The following ILKAP variants were observed in gnomAD, a reference collection of about 807,000 sequenced individuals.
ILKAP encodes the protein ILK associated serine/threonine phosphatase, also known as integrin-linked kinase-associated serine/threonine phosphatase 2C.
A neutral mutation model predicts 49.1 loss-of-function variants in ILKAP; 11 were observed. That is an observed-to-expected ratio of 0.22 (90% confidence interval 0.14 to 0.37). ILKAP has a LOEUF of 0.37. ILKAP is among the 10% of genes least tolerant of loss of function. ILKAP has a pLI of 1.00. For synonymous variants in ILKAP, 186 were observed against 192.8 expected (o/e 0.96, Z 0.29); for missense variants, 363 against 510.8 (o/e 0.71, Z 2.79).
intron 10 of ILKAP, among the ~76,000 whole-genome samples, chr2:238,172,841 T>TTA (rs1693286412): frequency 6.6e-6 from 1 of 152,158 alleles, no homozygotes; most frequent in Non-Finnish European, 1.5e-5. Flanking sequence ...TGACCCCTCC[T>TTA]GCTACTGCCT....
chr2:238,200,445 A>G (rs1694521844), intron 1 of ILKAP, among the ~76,000 whole-genome samples: 1 of 152,252 alleles, frequency 6.6e-6, no homozygotes, highest in Non-Finnish European at 1.5e-5. Flanking sequence ...ATGTGATATA[A>G]GCAGTGTAGT....
chr2:238,187,503 G>C (rs1381884301), intron 5 of ILKAP, among the ~76,000 whole-genome samples: 4 of 152,082 alleles, frequency 2.6e-5, no homozygotes, highest in African/African-American at 9.7e-5. Context: ...CCTACCTTCT[G>C]GTTTTTTTCC....
At chr2:238,175,979 G>A (rs887674817) in intron 9 of ILKAP, among the ~76,000 whole-genome samples, 9 of 151,838 alleles carry the variant, frequency 5.9e-5, no homozygotes, top group South Asian at 2.1e-4. Flanking sequence ...GAAAGTCTGC[G>A]CTACTCTAGA....
At chr2:238,174,404 T>C (rs1047699409) in intron 9 of ILKAP, among the ~76,000 whole-genome samples, 3 of 152,208 alleles carry the variant, frequency 2.0e-5, no homozygotes, top group Non-Finnish European at 2.9e-5. Flanking sequence ...GCAAGCTCTC[T>C]CCCCTTCAGG....
intron 9 of ILKAP, among the ~76,000 whole-genome samples, chr2:238,174,669 C>T (rs1358066026): frequency 6.6e-6 from 1 of 152,172 alleles, no homozygotes; most frequent in Non-Finnish European, 1.5e-5. Context: ...GGTCAGTATC[C>T]GTAACAAACA....
chr2:238,190,034 T>G, intron 3 of ILKAP, 62 bp from the exon 4 acceptor site: 1 of 1,571,312 alleles, frequency 6.4e-7, no homozygotes, highest in Non-Finnish European at 8.7e-7. Flanking sequence ...AAGTCACTAG[T>G]AGACTGGGCT....
rs375667282 is a variant in ILKAP at position 238,172,025 on chromosome 2, GT to G, written c.957-1002del. Among the ~76,000 whole-genome samples the G allele has an allele frequency of 1.7e-4, 25 of 151,232 alleles. No individual in the cohort carries two copies. The East Asian group carries it at 3.3e-3, about 20-fold the overall frequency. On this transcript the variant is annotated intron_variant, in intron 10 of 11. Coordinates refer to ENST00000254654, the MANE Select transcript of ILKAP (RefSeq NM_030768.3). ...TGTAATATCTGTGGGGTTTTTTTGT[GT>G]TTTTTTTTCTTTGTTTTTTGTTGCT...
rs1693169504 is a variant in ILKAP, at chr2:238,170,607, G to A, written c.1108C>T (p.Leu370=). ...DARYEAACNR[L]ANKAVQRGSA... is the part of the protein sequence containing the mutation. ...CCCCGCTGCACCGCCTTGTTGGCCAGCCTGTTGCAGGCTGCTTCGTAGCGG... is the reference window on the plus strand; with the variant it reads ...CCCCGCTGCACCGCCTTGTTGGCCAACCTGTTGCAGGCTGCTTCGTAGCGG... Residue 370 remains leucine (L), a synonymous_variant, in exon 12 of 12, where the codon CTG becomes TTG. Coordinates refer to ENST00000254654, the MANE Select transcript of ILKAP (RefSeq NM_030768.3). 6.2e-7 allele frequency: 1 copy of A among 1,607,420 alleles called. No individual in the cohort carries two copies.
chr2:238,173,807 A>G (rs769632125), intron 9 of ILKAP, 154 bp from the exon 10 acceptor site: 14 of 961,060 alleles, frequency 1.5e-5, no homozygotes, highest in Non-Finnish European at 2.1e-5. Context: ...TTGATCTCAA[A>G]TATGCAGGGG....
chr2:238,195,425 A>C (rs1163508685), intron 1 of ILKAP, among the ~76,000 whole-genome samples: 2 of 138,806 alleles, frequency 1.4e-5, no homozygotes, highest in African/African-American at 5.0e-5. Flanking sequence ...GCTATGGAGA[A>C]AATAAAGGAG....
chr2:238,179,014 A>G (rs1321443772), intron 9 of ILKAP, among the ~76,000 whole-genome samples: 1 of 152,064 alleles, frequency 6.6e-6, no homozygotes, highest in East Asian at 1.9e-4. Context: ...CAGTTGCCAA[A>G]TTGGTCTTGA....
At chr2:238,199,745 T>C (rs976858088) in intron 1 of ILKAP, among the ~76,000 whole-genome samples, 2 of 152,162 alleles carry the variant, frequency 1.3e-5, no homozygotes, top group Admixed American at 6.5e-5. Context: ...TGTTTTCCTC[T>C]AATACCTTAA....
intron 1 of ILKAP, among the ~76,000 whole-genome samples, chr2:238,197,638 C>G (rs78903918): frequency 1.3e-5 from 2 of 152,094 alleles, no homozygotes; most frequent in Non-Finnish European, 2.9e-5. Flanking sequence ...CTAGCCTGGC[C>G]GCCTCTCCTC....
At position 238,203,645 on chromosome 2, in the gene ILKAP, G is replaced by GCGGGCGACGGGCAGGGGCGGC. The variant is rs1694674335; in HGVS notation, c.-113_-93dup. 2 of 760,784 alleles carry GCGGGCGACGGGCAGGGGCGGC rather than the reference G, an allele frequency of 2.6e-6. No individual in the cohort carries two copies. The highest frequency in any genetic ancestry group is 3.4e-6 in the Non-Finnish European group (2 of 590,118). The allele number at this position is 760,784 out of a possible 1,614,324, so 47.1% of individuals were successfully genotyped here. A position where few individuals can be genotyped will look rare whatever the true frequency, so the allele number is the denominator to read the frequency against. Reference sequence around the variant, plus strand: ...CACCCCGGGCGGGCGGCAGCAGCGGGCGGGCGACGGGCAGGGGCGGCCGGC... The same window carrying GCGGGCGACGGGCAGGGGCGGC: ...CACCCCGGGCGGGCGGCAGCAGCGGGCGGGCGACGGGCAGGGGCGGCCGGGCGACGGGCAGGGGCGGCCGGC... On this transcript the variant is annotated 5_prime_UTR_variant, in exon 1 of 12. Transcript: ENST00000254654.
At chr2:238,177,175 C>G (rs768985459) in intron 9 of ILKAP, among the ~76,000 whole-genome samples, 5 of 152,182 alleles carry the variant, frequency 3.3e-5, no homozygotes, top group Non-Finnish European at 7.4e-5. Flanking sequence ...CAAAGATTTA[C>G]ATACTTTTGT....
intron 3 of ILKAP, 96 bp from the exon 4 acceptor site, chr2:238,190,068 G>T: frequency 2.3e-6 from 3 of 1,326,518 alleles, no homozygotes; most frequent in Admixed American, 2.4e-5. Flanking sequence ...CAAAGACAAG[G>T]TCATTTGAAG....
At position 238,184,108 on chromosome 2, in the gene ILKAP, C is replaced by A; in HGVS notation, c.538G>T (p.Val180Leu). 6.4e-7 allele frequency: 1 copy of A among 1,565,738 alleles called. No homozygotes were observed. Among genetic ancestry groups the A allele is most frequent in the Non-Finnish European group, 8.8e-7 (1 of 1,135,918 alleles). ...NLIRKFPKGD[V>L]ISVEKTVKRC... The stretch of plus-strand genomic sequence containing the variant: ...TTCACGGTTTTCTCTACACTGATTA[C>A]ATCTCCTATTACAGAAGGGCCAAAA... Residue 180 changes from valine (V) to leucine (L), a missense_variant, in exon 7 of 12, where the codon GTA (valine) becomes TTA (leucine). Val to Leu is a conservative substitution (Grantham distance 32, BLOSUM62 1). This residue lies in a region of ILKAP where 166 missense variants were observed against 307.3 expected (regional missense o/e 0.54). Coordinates refer to ENST00000254654, the MANE Select transcript of ILKAP (RefSeq NM_030768.3).
At chr2:238,203,476 G>A in intron 1 of ILKAP, 23 bp downstream of exon 1, 6 of 1,236,076 alleles carry the variant, frequency 4.9e-6, no homozygotes, top group South Asian at 2.0e-5. Context: ...TTCCCTGGCC[G>A]GCCCGGCGGC....
intron 9 of ILKAP, among the ~76,000 whole-genome samples, chr2:238,180,569 G>A (rs867559227): frequency 6.6e-6 from 1 of 152,234 alleles, no homozygotes; most frequent in African/African-American, 2.4e-5. Context: ...GATAAAAGCT[G>A]AGAGTGGGGC....
Sources: gnomAD v4.1 joint callset for allele counts (sites outside exome capture counted in the v4.1 genomes callset) on GRCh38, gnomAD v4.1.1 for gene constraint, gnomAD v4.1.1 regional missense constraint, MANE v1.5 for transcripts, NCBI Gene and HGNC (gene_info 2026-07-23, HGNC 2026-07-21) for gene names.